Variants in XYLB observed in about 807,000 individuals in gnomAD.
The protein encoded by XYLB is xylulokinase.
XYLB carries 62 observed loss-of-function variants against 78.7 expected under a neutral mutation model. That is an observed-to-expected ratio of 0.79 (90% CI 0.64 to 0.97). The LOEUF (loss-of-function observed/expected upper bound fraction) is 0.97. Among genes scored for constraint, XYLB ranks in the 50% least tolerant of loss-of-function variants. The pLI, the probability that XYLB is intolerant of heterozygous loss-of-function variation, is 0.00. For missense variants in XYLB, 687 were observed against 676.8 expected (o/e 1.02, Z -0.17); for synonymous variants, 245 against 247.4 (o/e 0.99, Z 0.09).
chr3:38,389,080 A>G lies in XYLB; in HGVS notation c.1292-6425A>G, dbSNP rs1377093623. Reference sequence around the variant, plus strand: ...AAAGGTCTCTGGTTTTCCTAGGCAGAGGACCCTGCGGCCTTCCGCAGTGTT... The same window carrying G: ...AAAGGTCTCTGGTTTTCCTAGGCAGGGGACCCTGCGGCCTTCCGCAGTGTT... On this transcript the variant is annotated intron_variant, in intron 15 of 18. Coordinates refer to ENST00000207870, the MANE Select transcript of XYLB (RefSeq NM_005108.4). Among the ~76,000 whole-genome samples, 11 of 148,372 alleles carry G rather than the reference A, an allele frequency of 7.4e-5. No homozygotes were observed. The East Asian group carries it at 1.8e-3, about 24-fold the overall frequency.
intron 12 of XYLB, among the ~76,000 whole-genome samples, chr3:38,375,862 C>T (rs1004362369): frequency 6.6e-6 from 1 of 152,188 alleles, no homozygotes; most frequent in African/African-American, 2.4e-5. Context: ...CTGTCTCTAC[C>T]TGGGGCTCCT....
rs1003268139 is a variant in XYLB, at chr3:38,347,071, G to A, written c.57+146G>A. 4 of 754,832 alleles carry A rather than the reference G, an allele frequency of 5.3e-6. No individual in the cohort carries two copies. In the African/African-American group the frequency reaches 7.3e-5, roughly 14 times the overall value. The allele number at this position is 754,832 out of a possible 1,614,324, so 46.8% of individuals were successfully genotyped here. On this transcript the variant is annotated intron_variant, in intron 1 of 18. Coordinates refer to ENST00000207870, the MANE Select transcript of XYLB (RefSeq NM_005108.4). ...GGCTTCCCGGGGCCCCCGCGCCCCT[G>A]CCCTGCGCGCGGCCGTGGGGCGCCG...
chr3:38,427,365 A>G, the XYLB span, among the ~76,000 whole-genome samples: 1 of 152,162 alleles, frequency 6.6e-6, no homozygotes, highest in Non-Finnish European at 1.5e-5. Flanking sequence ...AACTTGTCAA[A>G]TTTATTAGCA....
Position 38,413,472 on chromosome 3 carries a change from T to G in XYLB, c.*459T>G. The G allele has an allele frequency of 6.5e-6, 1 of 152,954 alleles. No individual in the cohort carries two copies. The highest frequency in any genetic ancestry group is 1.4e-5 in the Non-Finnish European group (1 of 69,460). The allele number at this position is 152,954 out of a possible 1,614,324, so 9.5% of individuals were successfully genotyped here. A position where few individuals can be genotyped will look rare whatever the true frequency, so the allele number is the denominator to read the frequency against. Reference sequence around the variant, plus strand: ...GTGACCCATAGCCGCCCCCACCCCATACCTTGATCTACCATCCATCCTCTT... The same window carrying G: ...GTGACCCATAGCCGCCCCCACCCCAGACCTTGATCTACCATCCATCCTCTT... On this transcript the variant is annotated 3_prime_UTR_variant, in exon 19 of 19. Coordinates refer to ENST00000207870, the MANE Select transcript of XYLB (RefSeq NM_005108.4).
the XYLB span, among the ~76,000 whole-genome samples, chr3:38,444,429 G>T: frequency 6.6e-6 from 1 of 152,184 alleles, no homozygotes; most frequent in Non-Finnish European, 1.5e-5. Flanking sequence ...GATAATGGGG[G>T]TAAGCTGAGA....
chr3:38,347,021 C>G, intron 1 of XYLB, 96 bp downstream of exon 1: 2 of 1,214,388 alleles, frequency 1.6e-6, no homozygotes, highest in Non-Finnish European at 2.1e-6. Context: ...AACATGGGCC[C>G]GGCCGCGGGC....
downstream of XYLB, among the ~76,000 whole-genome samples, chr3:38,422,497 G>A (rs1006448914): frequency 2.6e-5 from 4 of 152,126 alleles, no homozygotes; most frequent in Admixed American, 6.5e-5. Context: ...ATACAGGAGC[G>A]GACGTTTCAA....
chr3:38,440,422 C>T, the XYLB span, among the ~76,000 whole-genome samples: 1 of 152,216 alleles, frequency 6.6e-6, no homozygotes, highest in Admixed American at 6.5e-5. Context: ...AGCAACTTTC[C>T]TAACTCTGCT....
At chr3:38,441,962 G>A in the XYLB span, among the ~76,000 whole-genome samples, 7 of 152,190 alleles carry the variant, frequency 4.6e-5, no homozygotes, top group Non-Finnish European at 1.0e-4. Context: ...TTAAGGTTTT[G>A]AAGGCTGTTT....
At chr3:38,409,639 C>T (rs1708488470) in intron 18 of XYLB, among the ~76,000 whole-genome samples, 1 of 152,128 alleles carries the variant, frequency 6.6e-6, no homozygotes, top group East Asian at 1.9e-4. Flanking sequence ...TAGAAAACCC[C>T]ATTTTCTCAG....
At chr3:38,401,965 C>T (rs922957743) in intron 18 of XYLB, among the ~76,000 whole-genome samples, 73 of 152,142 alleles carry the variant, frequency 4.8e-4, no homozygotes, top group Non-Finnish European at 7.2e-4. Context: ...CATTTTGTAG[C>T]GGCAGGCAGA....
At chr3:38,415,777 C>A (rs1708769574), downstream of XYLB, among the ~76,000 whole-genome samples, 1 of 151,850 alleles carries the variant, frequency 6.6e-6, no homozygotes, top group African/African-American at 2.4e-5. Flanking sequence ...GAGACTCTGT[C>A]TCAAAAAAAT....
intron 2 of XYLB, among the ~76,000 whole-genome samples, chr3:38,350,678 C>T (rs980729158): frequency 6.6e-6 from 1 of 152,094 alleles, no homozygotes; most frequent in Non-Finnish European, 1.5e-5. Context: ...TTAAGACCTT[C>T]TTTTCTAATA....
intron 16 of XYLB, among the ~76,000 whole-genome samples, chr3:38,396,608 A>G (rs62239899): frequency 0.072 from 10,903 of 152,256 alleles, 511 homozygotes; most frequent in Admixed American, 0.15. Context: ...AGTTCTTTCC[A>G]TGTGAACTCC....
chr3:38,444,369 G>T, the XYLB span, among the ~76,000 whole-genome samples: 1 of 152,304 alleles, frequency 6.6e-6, no homozygotes. Flanking sequence ...GGGCAGAGAA[G>T]ATTAGAGGAG....
chr3:38,360,506 G>C lies in XYLB; in HGVS notation c.210+98G>C, dbSNP rs547806509. Reference sequence around the variant, plus strand: ...AGTCCAAAGGTGGCAGCCAATGAGAGCATCTGTTGTCACCAGGTCCTCATG... The same window carrying C: ...AGTCCAAAGGTGGCAGCCAATGAGACCATCTGTTGTCACCAGGTCCTCATG... On this transcript the variant is annotated intron_variant, in intron 3 of 18. Coordinates refer to ENST00000207870, the MANE Select transcript of XYLB (RefSeq NM_005108.4). 813 of 1,084,014 alleles carry C rather than the reference G, an allele frequency of 7.5e-4. 11 individuals are homozygous for C. In the South Asian group the frequency reaches 0.011, roughly 15 times the overall value. 67.1% of individuals were successfully genotyped at this position (1,084,014 alleles called of 1,614,324 possible). A position where few individuals can be genotyped will look rare whatever the true frequency, so the allele number is the denominator to read the frequency against.
At chr3:38,366,172 C>T (rs1402842847) in intron 6 of XYLB, among the ~76,000 whole-genome samples, 1 of 151,818 alleles carries the variant, frequency 6.6e-6, no homozygotes, top group Non-Finnish European at 1.5e-5. Context: ...CAACCTTGTC[C>T]CCAGGGGTGA....
chr3:38,416,926 GC>G (rs1708814267), downstream of XYLB, among the ~76,000 whole-genome samples: 1 of 152,020 alleles, frequency 6.6e-6, no homozygotes, highest in South Asian at 2.1e-4. Context: ...TGTTACTTCT[GC>G]CTTGTCAAAG....
the XYLB span, among the ~76,000 whole-genome samples, chr3:38,433,094 C>T: frequency 4.6e-5 from 7 of 152,236 alleles, no homozygotes; most frequent in South Asian, 2.1e-4. Flanking sequence ...GAAATCTAGG[C>T]GTAGATTCCC....
Sources: gnomAD v4.1 joint callset for allele counts (sites outside exome capture counted in the v4.1 genomes callset) on GRCh38, gnomAD v4.1.1 for gene constraint, MANE v1.5 for transcripts, NCBI Gene and HGNC (gene_info 2026-07-23, HGNC 2026-07-21) for gene names.